The following QTGAL variants were observed in gnomAD, a reference collection of about 807,000 sequenced individuals.
QTGAL encodes the protein BGnT-like protein 1.
At chr17:83,034,025 C>T in the QTGAL span, among the ~76,000 whole-genome samples, 47,091 of 151,590 alleles carry the variant, frequency 0.31, 8,081 homozygotes, top group African/African-American at 0.47. Flanking sequence ...ACTGCAACCT[C>T]CGCCTCCTGG....
At chr17:83,046,819 CA>C in the QTGAL span, among the ~76,000 whole-genome samples, 1 of 152,200 alleles carries the variant, frequency 6.6e-6, no homozygotes, top group Non-Finnish European at 1.5e-5. Flanking sequence ...TAGAACAACT[CA>C]AATGTCCACT....
chr17:83,016,852 AG>A, the QTGAL span, among the ~76,000 whole-genome samples: 1 of 152,166 alleles, frequency 6.6e-6, no homozygotes, highest in African/African-American at 2.4e-5. Context: ...AGAAGAGCTG[AG>A]GAGGCTCAAA....
chr17:82,978,301 A>G, the QTGAL span, among the ~76,000 whole-genome samples: 1 of 152,198 alleles, frequency 6.6e-6, no homozygotes, highest in South Asian at 2.1e-4. The surrounding 1 kb of genome is among the most constrained non-coding windows in gnomAD (Gnocchi z 4.8). Context: ...TGGCTCCAGC[A>G]AAGCCCCGAG....
At chr17:83,050,955 C>T in the QTGAL span, among the ~76,000 whole-genome samples, 25 of 149,874 alleles carry the variant, frequency 1.7e-4, no homozygotes, top group African/African-American at 5.9e-4. Context: ...GGGGCATGGG[C>T]AAGTGTGCCG....
At chr17:83,021,453 A>C in the QTGAL span, among the ~76,000 whole-genome samples, 13 of 152,126 alleles carry the variant, frequency 8.5e-5, no homozygotes, top group Admixed American at 1.3e-4. Context: ...TACTTAAGAG[A>C]TATATTTTAT....
chr17:83,026,465 G>A, the QTGAL span, among the ~76,000 whole-genome samples: 1 of 152,260 alleles, frequency 6.6e-6, no homozygotes, highest in Admixed American at 6.5e-5. Context: ...AACCGCAGAG[G>A]ACAGATACAC....
the QTGAL span, among the ~76,000 whole-genome samples, chr17:83,030,580 G>A: frequency 1.4e-4 from 22 of 152,332 alleles, no homozygotes; most frequent in Admixed American, 9.8e-4. Flanking sequence ...TTCAAGGATC[G>A]GCAGTGAGGA....
chr17:83,006,333 C>T, the QTGAL span: 20 of 985,356 alleles, frequency 2.0e-5, no homozygotes, highest in East Asian at 5.7e-4. The surrounding 1 kb of genome is among the most constrained non-coding windows in gnomAD (Gnocchi z 5.8). Context: ...CAGTTAATGA[C>T]GTGCTTGGGG....
chr17:82,963,243 G>A, the QTGAL span, among the ~76,000 whole-genome samples: 2 of 152,194 alleles, frequency 1.3e-5, no homozygotes, highest in African/African-American at 4.8e-5. Context: ...TGGAGACTCG[G>A]ATCCTGAGGC....
the QTGAL span, chr17:83,048,761 C>T: frequency 2.5e-6 from 4 of 1,613,782 alleles, no homozygotes; most frequent in South Asian, 3.3e-5. Context: ...CACGGTTCAG[C>T]GTTGTGGACT....
At chr17:83,018,855 C>A in the QTGAL span, among the ~76,000 whole-genome samples, 4 of 152,218 alleles carry the variant, frequency 2.6e-5, no homozygotes, top group Admixed American at 2.0e-4. Flanking sequence ...AGAGGCCGCA[C>A]TGACTCCAAA....
At chr17:82,960,527 C>T in the QTGAL span, 1 of 153,578 alleles carries the variant, frequency 6.5e-6, no homozygotes, top group African/African-American at 2.4e-5. Flanking sequence ...CCCGATTTGC[C>T]TCACCCCTGC....
the QTGAL span, among the ~76,000 whole-genome samples, chr17:82,996,521 CAA>C: frequency 0.32 from 39,888 of 124,718 alleles, 5,824 homozygotes; most frequent in South Asian, 0.42. Context: ...GACTCTGCCT[CAA>C]AAAAAAAAAA....
At chr17:82,957,991 C>CG in the QTGAL span, among the ~76,000 whole-genome samples, 1 of 152,082 alleles carries the variant, frequency 6.6e-6, no homozygotes, top group Non-Finnish European at 1.5e-5. Flanking sequence ...GCTGCTGTCC[C>CG]GGGGGGAGCA....
At chr17:83,034,790 G>C in the QTGAL span, among the ~76,000 whole-genome samples, 1 of 152,226 alleles carries the variant, frequency 6.6e-6, no homozygotes, top group African/African-American at 2.4e-5. Flanking sequence ...CGCCACGTCA[G>C]ACATGCGCGA....
chr17:83,002,647 C>T, the QTGAL span, among the ~76,000 whole-genome samples: 1 of 152,188 alleles, frequency 6.6e-6, no homozygotes, highest in Non-Finnish European at 1.5e-5. Flanking sequence ...GCCACGTCCC[C>T]TCCCTCAGAC....
At chr17:82,979,769 A>T in the QTGAL span, among the ~76,000 whole-genome samples, 2 of 152,378 alleles carry the variant, frequency 1.3e-5, no homozygotes, top group Middle Eastern at 3.4e-3. Flanking sequence ...TCTAAAATTT[A>T]TATACAGAGG....
chr17:82,962,300 T>C, the QTGAL span, among the ~76,000 whole-genome samples: 2 of 152,218 alleles, frequency 1.3e-5, no homozygotes, highest in African/African-American at 4.8e-5. Context: ...CGATCCCTTT[T>C]ACAAAAACCA....
At chr17:83,048,643 T>G in the QTGAL span, 1 of 1,607,866 alleles carries the variant, frequency 6.2e-7, no homozygotes, top group South Asian at 1.1e-5. Context: ...TGGGGCTGAG[T>G]CACCCGACAG....
Sources: gnomAD v4.1 joint callset for allele counts (sites outside exome capture counted in the v4.1 genomes callset) on GRCh38, gnomAD v4.1.1 for gene constraint, Gnocchi (gnomAD v3.1) non-coding constraint, MANE v1.5 for transcripts, NCBI Gene and HGNC (gene_info 2026-07-23, HGNC 2026-07-21) for gene names.